WDR72: variants seen among roughly 807,000 people sequenced by gnomAD.
WDR72 encodes WD repeat domain 72, also known as WD repeat-containing protein 72.
Under a neutral mutation model 124.2 loss-of-function variants are expected in WDR72, and 120 were observed. The observed-to-expected ratio is 0.97, with a 90% CI of 0.83 to 1.12. The LOEUF (loss-of-function observed/expected upper bound fraction) is 1.12. Among genes scored for constraint, WDR72 ranks in the 50% most tolerant of loss-of-function variants. WDR72 has a pLI of 0.00. For synonymous variants in WDR72, 452 were observed against 441.7 expected (o/e 1.02, Z -0.29); for missense variants, 1,387 against 1,278.8 (o/e 1.08, Z -1.29).
At chr15:53,762,634 C>A (rs992586819), upstream of WDR72, 1 of 152,280 alleles carries the variant, frequency 6.6e-6, no homozygotes, top group African/African-American at 2.4e-5. Context: ...CCCCTCATCC[C>A]CAAGCCTTCA....
At chr15:53,660,878 G>C (rs988988802) in intron 14 of WDR72, among the ~76,000 whole-genome samples, 8 of 152,140 alleles carry the variant, frequency 5.3e-5, no homozygotes, top group African/African-American at 1.9e-4. Context: ...GTTGGGATAA[G>C]TTGTTTCATG....
At chr15:53,724,850 G>A (rs1044735504) in intron 2 of WDR72, among the ~76,000 whole-genome samples, 4 of 152,048 alleles carry the variant, frequency 2.6e-5, no homozygotes, top group East Asian at 1.9e-4. Context: ...ATATAAAAAC[G>A]ACTAAAATTC....
In WDR72 at chr15:53,523,283, G is replaced by A. The variant is rs372851821; in HGVS notation, c.3188C>T (p.Ser1063Leu). Residue 1063 changes from serine to leucine, a missense_variant, in exon 19 of 20, where the codon TCG becomes TTG. Ser to Leu is a moderately radical substitution (Grantham distance 145). Transcript: ENST00000360509. ...GTCCTCCACGTCTTGGAAGTTTGCC[G>A]AGTTTGAGTTGCTGTCATGCTTGAC... Reference protein sequence around the residue: ...SPVKHDSNSNSANFQDVEDMP... With the variant: ...SPVKHDSNSNLANFQDVEDMP... 32 of 1,612,920 alleles carry A rather than the reference G, an allele frequency of 2.0e-5. No individual in the cohort carries two copies. The highest frequency in any genetic ancestry group is 7.7e-5 in the South Asian group (7 of 91,072).
At chr15:53,589,415 A>G (rs1033823678) in intron 18 of WDR72, among the ~76,000 whole-genome samples, 3 of 151,934 alleles carry the variant, frequency 2.0e-5, no homozygotes, top group Non-Finnish European at 4.4e-5. Context: ...AGTACAAACT[A>G]TCTCACTTTC....
intron 14 of WDR72, among the ~76,000 whole-genome samples, chr15:53,626,543 G>A (rs1024047168): frequency 1.7e-4 from 26 of 152,208 alleles, no homozygotes; most frequent in African/African-American, 6.3e-4. Context: ...GCAGCTGCAA[G>A]ATTTAACAGA....
chr15:53,619,104 A>G (rs1265164612), intron 14 of WDR72, among the ~76,000 whole-genome samples: 1 of 152,114 alleles, frequency 6.6e-6, no homozygotes, highest in East Asian at 1.9e-4. Context: ...GGTCATTTTT[A>G]TAGACAGCTA....
chr15:53,655,026 T>G (rs931278667), intron 14 of WDR72, among the ~76,000 whole-genome samples: 7 of 151,242 alleles, frequency 4.6e-5, no homozygotes, highest in Non-Finnish European at 1.0e-4. Context: ...AGGTCAGGAG[T>G]TCAAGACAAG....
intron 17 of WDR72, among the ~76,000 whole-genome samples, chr15:53,599,861 CTGT>C (rs2012962591): frequency 6.6e-6 from 1 of 152,018 alleles, no homozygotes; most frequent in African/African-American, 2.4e-5. Flanking sequence ...TTCACTTTAA[CTGT>C]TGATTTTTTA....
intron 6 of WDR72, 58 bp from the exon 7 acceptor site, chr15:53,712,949 G>T: frequency 2.5e-6 from 4 of 1,589,532 alleles, no homozygotes; most frequent in Non-Finnish European, 3.4e-6. Flanking sequence ...ACACAGCCAT[G>T]AGAAGACCTG....
chr15:53,569,092 T>TC (rs1306741698), intron 18 of WDR72, among the ~76,000 whole-genome samples: 1 of 151,174 alleles, frequency 6.6e-6, no homozygotes, highest in African/African-American at 2.4e-5. Context: ...TTTCTTTCCT[T>TC]TCACAGGACT....
intron 1 of WDR72, among the ~76,000 whole-genome samples, chr15:53,751,353 C>T (rs1300483389): frequency 6.6e-6 from 1 of 152,162 alleles, no homozygotes; most frequent in Non-Finnish European, 1.5e-5. Context: ...AACCACCACC[C>T]TAATCAATTA....
At chr15:53,615,106 GTGTA>G (rs928883722) in intron 15 of WDR72, among the ~76,000 whole-genome samples, 11 of 151,898 alleles carry the variant, frequency 7.2e-5, no homozygotes, top group South Asian at 2.1e-4. Context: ...GTATGTATAT[GTGTA>G]TGTATGTATG....
intron 13 of WDR72, among the ~76,000 whole-genome samples, chr15:53,686,040 T>C (rs1283315503): frequency 6.7e-6 from 1 of 149,908 alleles, no homozygotes; most frequent in Admixed American, 6.7e-5. Flanking sequence ...AGGCCTGCCT[T>C]ACAAGAGCTC....
intron 18 of WDR72, 66 bp from the exon 19 acceptor site, chr15:53,523,388 C>T (rs1566940656): frequency 1.4e-6 from 2 of 1,454,642 alleles, no homozygotes; most frequent in South Asian, 2.3e-5. Context: ...GTAGCAAACA[C>T]CATTAAAACA....
chr15:53,638,577 A>AT (rs1364996867), intron 14 of WDR72, among the ~76,000 whole-genome samples: 10 of 129,438 alleles, frequency 7.7e-5, no homozygotes, highest in African/African-American at 2.6e-4. Flanking sequence ...TCCTAATCAC[A>AT]TTCTTTTTTT....
intron 18 of WDR72, among the ~76,000 whole-genome samples, chr15:53,566,490 T>C (rs187856010): frequency 2.2e-4 from 33 of 152,002 alleles, no homozygotes; most frequent in African/African-American, 7.7e-4. Context: ...GGGGTGACTT[T>C]TGAGTTTGAG....
rs928204245 is a variant in WDR72 at position 53,515,803 on chromosome 15, A to T, written c.*1896T>A. 5.3e-5 allele frequency: 8 copies of T among 152,160 alleles called. No individual in the cohort carries two copies. The highest frequency in any genetic ancestry group is 1.2e-4 in the Non-Finnish European group (8 of 68,002). The allele number at this position is 152,160 out of a possible 1,614,324, so 9.4% of individuals were successfully genotyped here. ...CTAAGTATGGCAACTATTAAAACCT[A>T]TTGTTATTCTTGTTTCTAAAAGGGA... is the stretch of plus-strand genomic sequence containing the variant. On this transcript the variant is annotated 3_prime_UTR_variant, in exon 20 of 20. Transcript: ENST00000360509.
intron 18 of WDR72, among the ~76,000 whole-genome samples, chr15:53,535,731 A>C (rs1312440595): frequency 6.6e-6 from 1 of 152,186 alleles, no homozygotes; most frequent in Non-Finnish European, 1.5e-5. Context: ...TCTGAAACAC[A>C]GATCAAATTG....
intron 15 of WDR72, among the ~76,000 whole-genome samples, chr15:53,614,280 A>G (rs2140365402): frequency 6.6e-6 from 1 of 152,206 alleles, no homozygotes; most frequent in South Asian, 2.1e-4. Context: ...CCAGGTGTTA[A>G]GCACACAAGG....
Sources: gnomAD v4.1 joint callset for allele counts (sites outside exome capture counted in the v4.1 genomes callset) on GRCh38, gnomAD v4.1.1 for gene constraint, MANE v1.5 for transcripts, NCBI Gene and HGNC (gene_info 2026-07-23, HGNC 2026-07-21) for gene names.